Variants in SORCS1 observed in about 807,000 individuals in gnomAD.
SORCS1 encodes the protein sortilin related VPS10 domain containing receptor 1.
Under a neutral mutation model 146.1 loss-of-function variants are expected in SORCS1, and 60 were observed. That is an observed-to-expected ratio of 0.41 (90% CI 0.33 to 0.51). The LOEUF is 0.51. SORCS1 is among the 20% of genes least tolerant of loss of function. SORCS1 has a pLI of 0.21. For missense variants in SORCS1, 1,352 were observed against 1,487.6 expected, an observed-to-expected ratio of 0.91 and a Z score of 1.50; for synonymous variants, 637 against 584.0, an observed-to-expected ratio of 1.09 and a Z score of -1.31.
chr10:107,008,959 T>G (rs1290929860), intron 1 of SORCS1, among the ~76,000 whole-genome samples: 1 of 152,252 alleles, frequency 6.6e-6, no homozygotes, highest in Non-Finnish European at 1.5e-5. Context: ...ATTGCGCCAC[T>G]GCACTCCAGC....
At chr10:106,993,546 A>T (rs1041704816) in intron 1 of SORCS1, among the ~76,000 whole-genome samples, 7 of 152,164 alleles carry the variant, frequency 4.6e-5, no homozygotes, top group African/African-American at 1.4e-4. Flanking sequence ...AATTTCTTTT[A>T]AAAACTTATT....
chr10:106,904,612 A>C (rs1449224907), intron 2 of SORCS1, among the ~76,000 whole-genome samples: 1 of 152,246 alleles, frequency 6.6e-6, no homozygotes, highest in African/African-American at 2.4e-5. Flanking sequence ...GGACAAACGC[A>C]CAAAGTCATA....
intron 3 of SORCS1, among the ~76,000 whole-genome samples, chr10:106,795,975 G>T (rs753999998): frequency 1.3e-5 from 2 of 152,284 alleles, no homozygotes; most frequent in African/African-American, 2.4e-5. Flanking sequence ...ACATCATGTG[G>T]TTTTTCTGGG....
At chr10:107,169,506 C>T (rs1285019956), upstream of SORCS1, among the ~76,000 whole-genome samples, 1 of 152,186 alleles carries the variant, frequency 6.6e-6, no homozygotes, top group Admixed American at 6.5e-5. Flanking sequence ...TCTTTAAAAA[C>T]AGGGCTAAGA....
At chr10:106,750,530 C>T (rs373207111) in intron 5 of SORCS1, among the ~76,000 whole-genome samples, 1 of 145,576 alleles carries the variant, frequency 6.9e-6, no homozygotes, top group East Asian at 2.1e-4. Flanking sequence ...GAGATCGAGA[C>T]GATCCTGGCT....
intron 1 of SORCS1, among the ~76,000 whole-genome samples, chr10:107,130,342 A>G (rs1199257959): frequency 2.0e-5 from 3 of 152,258 alleles, no homozygotes; most frequent in Non-Finnish European, 4.4e-5. Flanking sequence ...AGAGCAACAA[A>G]TAATCAACAT....
At chr10:106,926,123 A>G (rs1371572642) in intron 2 of SORCS1, among the ~76,000 whole-genome samples, 1 of 148,890 alleles carries the variant, frequency 6.7e-6, no homozygotes, top group African/African-American at 2.4e-5. Context: ...AGTGCATTCA[A>G]TCCCAGCTAA....
At chr10:106,736,092 A>G (rs895436403) in intron 5 of SORCS1, among the ~76,000 whole-genome samples, 1 of 152,226 alleles carries the variant, frequency 6.6e-6, no homozygotes, top group Non-Finnish European at 1.5e-5. Flanking sequence ...TAGCAGCGCA[A>G]CATCAGCCTT....
chr10:106,996,253 A>T (rs1956996563), intron 1 of SORCS1, among the ~76,000 whole-genome samples: 1 of 4,222 alleles, frequency 2.4e-4, no homozygotes, highest in African/African-American at 2.1e-3. Context: ...AAAAAAATAG[A>T]ATGTAGAAAT....
intron 4 of SORCS1, among the ~76,000 whole-genome samples, chr10:106,775,796 A>T (rs1170398037): frequency 6.6e-6 from 1 of 152,166 alleles, no homozygotes; most frequent in Non-Finnish European, 1.5e-5. Context: ...TTTCATTTTA[A>T]TTTAATTTTA....
chr10:107,068,482 G>A (rs1962118478), intron 1 of SORCS1, among the ~76,000 whole-genome samples: 1 of 152,162 alleles, frequency 6.6e-6, no homozygotes, highest in Non-Finnish European at 1.5e-5. Context: ...TGAAGGTTAA[G>A]TGACCAACCA....
chr10:107,092,516 C>T (rs1166623832), intron 1 of SORCS1, among the ~76,000 whole-genome samples: 1 of 152,156 alleles, frequency 6.6e-6, no homozygotes, highest in East Asian at 1.9e-4. Flanking sequence ...TATCGTTCTC[C>T]CTGCCTTGCA....
intron 1 of SORCS1, among the ~76,000 whole-genome samples, chr10:107,030,762 T>C (rs556948409): frequency 1.1e-4 from 17 of 152,268 alleles, no homozygotes; most frequent in Admixed American, 1.0e-3. Flanking sequence ...GAAAAGATTT[T>C]TTAAAAACCA....
At position 106,813,049 on chromosome 10, in the gene SORCS1, C is replaced by T. The variant is rs151164946; in HGVS notation, c.726+16525G>A. Among the ~76,000 whole-genome samples the T allele has an allele frequency of 4.2e-3, 637 of 151,816 alleles. 7 individuals carry two copies. The highest frequency in any genetic ancestry group is 0.014 in the African/African-American group (587 of 41,384). On this transcript the variant is annotated intron_variant, in intron 3 of 25. Transcript: ENST00000263054. Reference sequence around the variant, plus strand: ...GATCCTTGCACCAAACATCAGCGAACTGTATTGTCCCTCATGACACTGGCC... The same window carrying T: ...GATCCTTGCACCAAACATCAGCGAATTGTATTGTCCCTCATGACACTGGCC...
At chr10:107,009,542 A>G (rs1451859672) in intron 1 of SORCS1, among the ~76,000 whole-genome samples, 1 of 152,218 alleles carries the variant, frequency 6.6e-6, no homozygotes, top group Non-Finnish European at 1.5e-5. Flanking sequence ...ATAACACAGG[A>G]CACAATGTTA....
chr10:107,052,939 T>TAGCCATTTTTACTGAA lies in SORCS1; in HGVS notation c.559-96375_559-96360dup, dbSNP rs536264366. 3.7e-4 allele frequency among the ~76,000 whole-genome samples: 56 copies of TAGCCATTTTTACTGAA among 152,310 alleles called. No homozygotes were observed. The East Asian group carries it at 0.01, about 27-fold the overall frequency. On this transcript the variant is annotated intron_variant, in intron 1 of 25. Coordinates refer to ENST00000263054, the MANE Select transcript of SORCS1 (RefSeq NM_052918.5). ...CAAAGGAACTCTTCTCTTTCTCCTCTAGCCATTTTTACTGAAAGCCATGTA... is the reference window on the plus strand; with the variant it reads ...CAAAGGAACTCTTCTCTTTCTCCTCTAGCCATTTTTACTGAAAGCCATTTTTACTGAAAGCCATGTA...
chr10:107,173,255 C>T, the SORCS1 span, among the ~76,000 whole-genome samples: 11 of 151,960 alleles, frequency 7.2e-5, no homozygotes, highest in East Asian at 1.9e-4. Flanking sequence ...ATGTAGGTCA[C>T]GGAGTACAAA....
chr10:106,666,230 A>G (rs1851128456), intron 17 of SORCS1, among the ~76,000 whole-genome samples: 1 of 152,232 alleles, frequency 6.6e-6, no homozygotes, highest in African/African-American at 2.4e-5. Context: ...GCCTCATCCA[A>G]TCAGCTGAAG....
intron 18 of SORCS1, among the ~76,000 whole-genome samples, chr10:106,636,128 C>G (rs1371801427): frequency 2.6e-5 from 4 of 152,056 alleles, no homozygotes; most frequent in Admixed American, 2.6e-4. Context: ...GGTGCAGTGG[C>G]TCATGACTAT....
Sources: gnomAD v4.1 joint callset for allele counts (sites outside exome capture counted in the v4.1 genomes callset) on GRCh38, gnomAD v4.1.1 for gene constraint, MANE v1.5 for transcripts, NCBI Gene and HGNC (gene_info 2026-07-23, HGNC 2026-07-21) for gene names.